The following RABL3 variants were observed in gnomAD, a reference collection of about 807,000 sequenced individuals.
RABL3 encodes the protein RAB, member of RAS oncogene family like 3, also known as rab-like protein 3.
In RABL3, 31 loss-of-function variants were observed where a neutral mutation model predicts 31.8. The observed-to-expected ratio is 0.97, with a 90% CI of 0.73 to 1.31. The LOEUF is 1.31. Ranked by LOEUF, RABL3 falls within the 40% of genes most tolerant of loss-of-function variation. The pLI is 0.00. For missense variants in RABL3, 263 were observed against 279.6 expected (o/e 0.94, Z 0.42); for synonymous variants, 97 against 99.9 (o/e 0.97, Z 0.18).
intron 2 of RABL3, among the ~76,000 whole-genome samples, chr3:120,716,586 G>A (rs1307528159): frequency 6.6e-6 from 1 of 150,650 alleles, no homozygotes; most frequent in Admixed American, 6.6e-5. Context: ...TGCACATTGT[G>A]CACATGTACC....
At chr3:120,718,987 A>T in intron 2 of RABL3, among the ~76,000 whole-genome samples, 1 of 152,242 alleles carries the variant, frequency 6.6e-6, no homozygotes, top group Non-Finnish European at 1.5e-5. Context: ...GGACAGGATT[A>T]AAATGAGGAA....
At chr3:120,690,378 T>C (rs1265700907) in intron 7 of RABL3, 71 bp downstream of exon 7, 4 of 1,150,332 alleles carry the variant, frequency 3.5e-6, no homozygotes, top group East Asian at 4.7e-5. Context: ...TTAAAACTAC[T>C]TCTGAACTTA....
rs185404296 is a variant in RABL3 at position 120,696,636 on chromosome 3, C to T, written c.534+1787G>A. Among the ~76,000 whole-genome samples the T allele has an allele frequency of 5.3e-4, 80 of 151,002 alleles. 1 individual carries two copies. Among genetic ancestry groups the T allele is most frequent in the Non-Finnish European group, 9.4e-4 (64 of 67,802 alleles). ...ACACACACACACACACACATGCACG[C>T]GATTATCAGAGAAACCCACAGGCAC... On this transcript the variant is annotated intron_variant, in intron 5 of 7. Coordinates refer to ENST00000273375, the MANE Select transcript of RABL3 (RefSeq NM_173825.5).
chr3:120,703,232 A>C (rs1236657896), intron 4 of RABL3, among the ~76,000 whole-genome samples: 3 of 152,184 alleles, frequency 2.0e-5, no homozygotes, highest in African/African-American at 4.8e-5. Context: ...AATAAGTGAA[A>C]TCATATAAAG....
chr3:120,707,670 C>T (rs1448066932), intron 3 of RABL3, among the ~76,000 whole-genome samples: 1 of 151,990 alleles, frequency 6.6e-6, no homozygotes, highest in Non-Finnish European at 1.5e-5. Flanking sequence ...TCCTTTTCCC[C>T]AGGCTATAAA....
rs1434062518 is a variant in RABL3, at chr3:120,689,295, C to T, written c.*528G>A. 1 of 152,186 alleles carries T rather than the reference C, an allele frequency of 6.6e-6. No individual in the cohort carries two copies. The highest frequency in any genetic ancestry group is 1.5e-5 in the Non-Finnish European group (1 of 68,056). 9.4% of individuals were successfully genotyped at this position (152,186 alleles called of 1,614,324 possible). A position where few individuals can be genotyped will look rare whatever the true frequency, so the allele number is the denominator to read the frequency against. On this transcript the variant is annotated 3_prime_UTR_variant, in exon 8 of 8. Transcript: ENST00000273375. Reference sequence around the variant, plus strand: ...ACAAGGGTTGCTATTATTAGGCATTCCTGTGTGTGACAATGGTGGAGACAA... The same window carrying T: ...ACAAGGGTTGCTATTATTAGGCATTTCTGTGTGTGACAATGGTGGAGACAA...
intron 1 of RABL3, among the ~76,000 whole-genome samples, chr3:120,732,190 C>T (rs1448202395): frequency 6.6e-6 from 1 of 152,178 alleles, no homozygotes; most frequent in East Asian, 1.9e-4. Flanking sequence ...ACAACATAAG[C>T]GTCTGCTTCC....
At chr3:120,693,221 G>T (rs1708400382) in intron 6 of RABL3, among the ~76,000 whole-genome samples, 1 of 151,730 alleles carries the variant, frequency 6.6e-6, no homozygotes, top group Admixed American at 6.6e-5. Context: ...AATTTTCCTA[G>T]TGGCCTAATA....
chr3:120,742,514 A>C lies in RABL3; in HGVS notation c.-7T>G. The C allele has an allele frequency of 6.2e-7, 1 of 1,614,102 alleles. No individual in the cohort carries two copies. The highest frequency in any genetic ancestry group is 1.1e-5 in the South Asian group (1 of 91,080). ...CCCGATCCAGGGACGCCATCTTGCC[A>C]CTGCCTTCCCTGGGTTAACGCCTGT... On this transcript the variant is annotated 5_prime_UTR_variant, in exon 1 of 8. Transcript: ENST00000273375.
chr3:120,742,666 G>A, upstream of RABL3: 1 of 712,902 alleles, frequency 1.4e-6, no homozygotes, highest in East Asian at 2.7e-5. Flanking sequence ...GTAAAAGGTA[G>A]CGGGGTGCTT....
At chr3:120,742,611 T>C (rs1051295934), upstream of RABL3, 5 of 1,134,722 alleles carry the variant, frequency 4.4e-6, no homozygotes, top group African/African-American at 6.1e-5. Flanking sequence ...ACTCGGAGCG[T>C]GACTGTCTTG....
chr3:120,742,536 C>T (rs763002630), upstream of RABL3: 4 of 1,613,314 alleles, frequency 2.5e-6, no homozygotes, highest in Non-Finnish European at 2.5e-6. Flanking sequence ...GGGTTAACGC[C>T]TGTTCCTGGA....
chr3:120,734,528 C>G lies in RABL3; in HGVS notation c.47-3741G>C, dbSNP rs148217032. Among the ~76,000 whole-genome samples, 728 of 152,176 alleles carry G rather than the reference C, an allele frequency of 4.8e-3. 5 individuals carry two copies. The highest frequency in any genetic ancestry group is 0.017 in the African/African-American group (698 of 41,516). On this transcript the variant is annotated intron_variant, in intron 1 of 7. Coordinates refer to ENST00000273375, the MANE Select transcript of RABL3 (RefSeq NM_173825.5). ...ACTTCCTCTTTTCCTAATTGAATAC[C>G]CTTTATTTCCTTCTCCTGCCTGATT...
At position 120,685,398 on chromosome 3, in the gene RABL3, T is replaced by C. The variant is rs1327528808; in HGVS notation, c.*4425A>G. Among the ~76,000 whole-genome samples, 1 of 152,190 alleles carries C rather than the reference T, an allele frequency of 6.6e-6. No individual in the cohort carries two copies. On this transcript the variant is annotated 3_prime_UTR_variant, in exon 8 of 8. Transcript: ENST00000273375. ...TCCATTCTTTGTCATTAGTTATTGA[T>C]GACCTCGGTAAAGCTTAGTGATTAG...
chr3:120,703,854 T>C (rs920786464), intron 4 of RABL3, among the ~76,000 whole-genome samples: 7 of 152,088 alleles, frequency 4.6e-5, no homozygotes, highest in Admixed American at 2.6e-4. Flanking sequence ...CAAAAACTCA[T>C]CCAAGATGAA....
At chr3:120,741,974 A>G (rs930073976) in intron 1 of RABL3, among the ~76,000 whole-genome samples, 2 of 152,186 alleles carry the variant, frequency 1.3e-5, no homozygotes, top group African/African-American at 4.8e-5. Flanking sequence ...GTAAAATGGG[A>G]TAACAGGACT....
intron 6 of RABL3, among the ~76,000 whole-genome samples, chr3:120,691,986 A>G (rs1300600355): frequency 6.6e-6 from 1 of 152,222 alleles, no homozygotes; most frequent in East Asian, 1.9e-4. Context: ...ACAAGACACC[A>G]GGGCAAAGTT....
intron 2 of RABL3, 80 bp from the exon 3 acceptor site, chr3:120,709,989 T>A: frequency 9.8e-7 from 1 of 1,022,632 alleles, no homozygotes; most frequent in Non-Finnish European, 1.4e-6. Flanking sequence ...TTAAAGCATT[T>A]CAGCATCTTA....
chr3:120,726,947 G>A (rs1370728965), intron 2 of RABL3, among the ~76,000 whole-genome samples: 1 of 151,784 alleles, frequency 6.6e-6, no homozygotes, highest in African/African-American at 2.4e-5. Flanking sequence ...CACAACCCAT[G>A]AGTCAAAGAA....
Sources: allele counts gnomAD v4.1 joint callset (sites outside exome capture counted in the v4.1 genomes callset), GRCh38; gene constraint gnomAD v4.1.1; transcripts MANE v1.5; gene names NCBI Gene and HGNC (gene_info 2026-07-23, HGNC 2026-07-21).